Variants in TEX14 observed in about 807,000 individuals in gnomAD.
TEX14 encodes the protein inactive serine/threonine-protein kinase TEX14.
TEX14 carries 168 observed loss-of-function variants against 178.6 expected under a neutral mutation model. That is an observed-to-expected ratio of 0.94 (90% CI 0.83 to 1.07). The LOEUF (loss-of-function observed/expected upper bound fraction) is 1.07. Among genes scored for constraint, TEX14 ranks in the 50% least tolerant of loss-of-function variants. The pLI is 0.00. For missense variants in TEX14, 1,730 were observed against 1,753.6 expected (o/e 0.99, Z 0.24); for synonymous variants, 626 against 634.1 (o/e 0.99, Z 0.19).
intron 18 of TEX14, 114 bp from the exon 19 acceptor site, chr17:58,584,714 CA>C (rs2044910647): frequency 1.2e-6 from 1 of 838,772 alleles, no homozygotes; most frequent in Non-Finnish European, 2.0e-6. Flanking sequence ...CAAGAGTGGC[CA>C]TGTCCCATAC....
chr17:58,669,591 A>G (rs1377592839), intron 1 of TEX14, among the ~76,000 whole-genome samples: 2 of 151,426 alleles, frequency 1.3e-5, no homozygotes, highest in African/African-American at 4.9e-5. Context: ...AAAATTAGCC[A>G]GGTGTGGTGG....
chr17:58,621,901 T>A, intron 4 of TEX14, 115 bp from the exon 5 acceptor site: 1 of 1,228,388 alleles, frequency 8.1e-7, no homozygotes, highest in Non-Finnish European at 1.1e-6. Flanking sequence ...GAAAAACCTC[T>A]CAAAAGGAAA....
chr17:58,675,032 G>C (rs2047372248), intron 1 of TEX14, among the ~76,000 whole-genome samples: 1 of 151,654 alleles, frequency 6.6e-6, no homozygotes, highest in Non-Finnish European at 1.5e-5. Flanking sequence ...TATAACCCCA[G>C]CTTCTTGGGA....
At chr17:58,683,372 C>T (rs1428526093) in intron 1 of TEX14, among the ~76,000 whole-genome samples, 1 of 150,000 alleles carries the variant, frequency 6.7e-6, no homozygotes, top group Non-Finnish European at 1.5e-5. Context: ...GACTCCATCC[C>T]CCCCCCCAAA....
intron 1 of TEX14, chr17:58,661,316 A>T: frequency 1.2e-6 from 1 of 850,304 alleles, no homozygotes; most frequent in South Asian, 1.3e-5. Context: ...ACGGGGGTTG[A>T]CTTGTTTCAT....
chr17:58,667,891 TAA>T (rs1205836185), intron 1 of TEX14, among the ~76,000 whole-genome samples: 55 of 102,714 alleles, frequency 5.4e-4, no homozygotes, highest in Admixed American at 6.2e-4. Flanking sequence ...AGACTCTGGC[TAA>T]AAAAAAAAAA....
At chr17:58,629,917 C>T (rs768401714) in intron 3 of TEX14, among the ~76,000 whole-genome samples, 8 of 136,398 alleles carry the variant, frequency 5.9e-5, no homozygotes, top group African/African-American at 1.1e-4. Flanking sequence ...TTTTTTTTTT[C>T]CTTTTTTTTT....
At chr17:58,688,642 A>G (rs2143612668) in intron 1 of TEX14, among the ~76,000 whole-genome samples, 1 of 152,278 alleles carries the variant, frequency 6.6e-6, no homozygotes, top group South Asian at 2.1e-4. Context: ...GCAGGTGAGG[A>G]GACTGAGTAA....
intron 1 of TEX14, among the ~76,000 whole-genome samples, chr17:58,689,137 A>G (rs529156133): frequency 6.6e-6 from 1 of 152,048 alleles, no homozygotes; most frequent in South Asian, 2.1e-4. Context: ...TCACCGTGTT[A>G]GCCAGGATAG....
chr17:58,650,256 T>C (rs1177883955), intron 2 of TEX14, among the ~76,000 whole-genome samples: 3 of 151,958 alleles, frequency 2.0e-5, no homozygotes, highest in Non-Finnish European at 4.4e-5. Flanking sequence ...TTTCACCATG[T>C]TGGCCAGGCA....
At chr17:58,574,677 A>G (rs1376141797) in intron 21 of TEX14, among the ~76,000 whole-genome samples, 1 of 144,572 alleles carries the variant, frequency 6.9e-6, no homozygotes, top group Non-Finnish European at 1.5e-5. Flanking sequence ...TCCATCTCCA[A>G]AAAAAAAAAA....
rs777188453 is a variant in TEX14 at position 58,599,354 on chromosome 17, A to G, written c.1991T>C (p.Leu664Pro). ...ACACGCCTCTCTCTCCATCTTATCC[A>G]GCTCTTCTTCCATGGATTTCAGTTC... ...VDELKSMEEE[L>P]DKMEREACCF... Residue 664 changes from leucine to proline, a missense_variant, in exon 14 of 32, where the codon CTG becomes CCG. By Grantham distance (98) the Leu-to-Pro change is moderately conservative. Coordinates refer to ENST00000349033, the MANE Select transcript of TEX14 (RefSeq NM_031272.5). 26 of 1,613,982 alleles carry G rather than the reference A, an allele frequency of 1.6e-5. No individual in the cohort carries two copies. The highest frequency in any genetic ancestry group is 2.0e-5 in the Non-Finnish European group (24 of 1,180,046).
At chr17:58,590,610 C>A (rs1266318982) in intron 15 of TEX14, among the ~76,000 whole-genome samples, 3 of 151,926 alleles carry the variant, frequency 2.0e-5, no homozygotes, top group Non-Finnish European at 4.4e-5. Context: ...AACTGGAATG[C>A]AGTGGCATAA....
At chr17:58,574,325 C>A in intron 21 of TEX14, 76 bp from the exon 22 acceptor site, 1 of 1,134,232 alleles carries the variant, frequency 8.8e-7, no homozygotes, top group South Asian at 1.2e-5. Flanking sequence ...CTACAAGGAA[C>A]CAGTTGATCA....
At chr17:58,583,502 C>A (rs77719504) in intron 19 of TEX14, among the ~76,000 whole-genome samples, 1 of 152,004 alleles carries the variant, frequency 6.6e-6, no homozygotes, top group Non-Finnish European at 1.5e-5. Flanking sequence ...TGGCTTTAAG[C>A]GATCCTCCAG....
At chr17:58,641,198 G>A (rs2046565873) in intron 2 of TEX14, among the ~76,000 whole-genome samples, 1 of 152,078 alleles carries the variant, frequency 6.6e-6, no homozygotes, top group Non-Finnish European at 1.5e-5. Flanking sequence ...ATCACCTGAG[G>A]TGGGGAGTTT....
chr17:58,674,002 G>A (rs558360498), intron 1 of TEX14, among the ~76,000 whole-genome samples: 7 of 152,106 alleles, frequency 4.6e-5, no homozygotes, highest in East Asian at 3.9e-4. Context: ...GGCCGGGTGC[G>A]GTGTCTCCCA....
At chr17:58,602,077 T>A in intron 12 of TEX14, 121 bp from the exon 13 acceptor site, 1 of 995,258 alleles carries the variant, frequency 1.0e-6, no homozygotes. Context: ...AGACTGACTT[T>A]AGTCCTAATT....
chr17:58,557,313 C>T (rs1486587483), intron 31 of TEX14, among the ~76,000 whole-genome samples: 2 of 151,854 alleles, frequency 1.3e-5, no homozygotes, highest in African/African-American at 4.8e-5. Flanking sequence ...CTCTTATCCC[C>T]CAGGTGGAGT....
Sources: gnomAD v4.1 joint callset for allele counts (sites outside exome capture counted in the v4.1 genomes callset) on GRCh38, gnomAD v4.1.1 for gene constraint, MANE v1.5 for transcripts, NCBI Gene and HGNC (gene_info 2026-07-23, HGNC 2026-07-21) for gene names.